CNTNAP2: variants seen among roughly 807,000 people sequenced by gnomAD.
The protein encoded by CNTNAP2 is contactin-associated protein-like 2.
In CNTNAP2, 98 loss-of-function variants were observed where a neutral mutation model predicts 155.2. The observed-to-expected ratio is 0.63, with a 90% CI of 0.54 to 0.75. The LOEUF (loss-of-function observed/expected upper bound fraction) is 0.75. CNTNAP2 is among the 30% of genes least tolerant of loss of function. The probability of loss-of-function intolerance (pLI) is 0.00; values close to 1 mark genes in which losing one functional copy is unlikely to be tolerated. For missense variants in CNTNAP2, 1,727 were observed against 1,688.1 expected (o/e 1.02, Z -0.40); for synonymous variants, 651 against 631.2 (o/e 1.03, Z -0.47).
chr7:146,562,396 GC>G (rs1256405656), intron 1 of CNTNAP2, among the ~76,000 whole-genome samples: 1 of 152,004 alleles, frequency 6.6e-6, no homozygotes, highest in Non-Finnish European at 1.5e-5. Context: ...AAAAAGGTTA[GC>G]CTTTCAATTT....
At chr7:147,310,985 G>T (rs1795114500) in intron 9 of CNTNAP2, among the ~76,000 whole-genome samples, 1 of 152,272 alleles carries the variant, frequency 6.6e-6, no homozygotes, top group East Asian at 1.9e-4. Flanking sequence ...CAGAATTCTT[G>T]CCAAAAACAG....
intron 3 of CNTNAP2, among the ~76,000 whole-genome samples, chr7:146,961,747 T>C (rs1455012445): frequency 1.3e-5 from 2 of 152,066 alleles, no homozygotes; most frequent in African/African-American, 4.8e-5. Context: ...AATAGGGAAA[T>C]GTATGACACA....
intron 1 of CNTNAP2, among the ~76,000 whole-genome samples, chr7:146,300,097 A>G (rs1314826926): frequency 6.6e-6 from 1 of 152,214 alleles, no homozygotes; most frequent in Non-Finnish European, 1.5e-5. Context: ...GCAGTTATCA[A>G]GAAATGAGGT....
At chr7:146,450,431 A>G (rs12673296) in intron 1 of CNTNAP2, among the ~76,000 whole-genome samples, 44,939 of 152,098 alleles carry the variant, frequency 0.3, 6,804 homozygotes, top group Admixed American at 0.42. Flanking sequence ...CATTTTCTGC[A>G]TTAAGCTGGT....
intron 2 of CNTNAP2, among the ~76,000 whole-genome samples, chr7:146,815,928 G>A (rs1803160936): frequency 6.6e-6 from 1 of 151,848 alleles, no homozygotes; most frequent in South Asian, 2.1e-4. Context: ...CCCCACAACG[G>A]GCCCTGATGT....
intron 1 of CNTNAP2, among the ~76,000 whole-genome samples, chr7:146,730,512 C>A (rs1433661645): frequency 6.6e-6 from 1 of 152,086 alleles, no homozygotes; most frequent in Non-Finnish European, 1.5e-5. Context: ...ATACAGTATG[C>A]CCTAAAGTGT....
At chr7:146,337,257 GTCCTCTTAGTGTC>G (rs1441713693) in intron 1 of CNTNAP2, among the ~76,000 whole-genome samples, 3 of 151,156 alleles carry the variant, frequency 2.0e-5, no homozygotes, top group African/African-American at 7.3e-5. Flanking sequence ...ACAAATTTGG[GTCCTCTTAGTGTC>G]TCCATGATTT....
At chr7:147,862,348 A>T (rs1371139916) in intron 13 of CNTNAP2, among the ~76,000 whole-genome samples, 1 of 152,162 alleles carries the variant, frequency 6.6e-6, no homozygotes, top group South Asian at 2.1e-4. Flanking sequence ...CAAGCATTCT[A>T]TTTGGCTTGT....
intron 21 of CNTNAP2, among the ~76,000 whole-genome samples, chr7:148,350,178 C>T (rs956566652): frequency 6.6e-6 from 1 of 152,176 alleles, no homozygotes; most frequent in Non-Finnish European, 1.5e-5. Flanking sequence ...TTGGGAGGCA[C>T]AGCTAAGACT....
At chr7:147,969,712 T>A (rs10452891) in intron 14 of CNTNAP2, among the ~76,000 whole-genome samples, 19,644 of 152,080 alleles carry the variant, frequency 0.13, 2,007 homozygotes, top group African/African-American at 0.29. Context: ...AAATTCGCCA[T>A]ACTTTTAAAA....
intron 1 of CNTNAP2, among the ~76,000 whole-genome samples, chr7:146,600,243 G>A (rs1355635969): frequency 6.6e-6 from 1 of 151,898 alleles, no homozygotes; most frequent in African/African-American, 2.4e-5. Context: ...GCAAAATTAC[G>A]GGCATTTTCT....
intron 6 of CNTNAP2, among the ~76,000 whole-genome samples, chr7:147,126,111 G>C (rs912775358): frequency 6.6e-6 from 1 of 152,108 alleles, no homozygotes; most frequent in African/African-American, 2.4e-5. Flanking sequence ...AATATCATGA[G>C]ACCAAAACTG....
At chr7:146,329,778 T>G (rs569090643) in intron 1 of CNTNAP2, among the ~76,000 whole-genome samples, 60 of 152,210 alleles carry the variant, frequency 3.9e-4, no homozygotes, top group Non-Finnish European at 6.6e-4. Flanking sequence ...CAACCTAAGG[T>G]TCTTCTAACT....
chr7:146,958,301 C>T (rs529144864), intron 3 of CNTNAP2, among the ~76,000 whole-genome samples: 2 of 151,644 alleles, frequency 1.3e-5, no homozygotes, highest in East Asian at 2.0e-4. Flanking sequence ...TGAGAACATA[C>T]TTTTGTTCTC....
rs146630340 is a variant in CNTNAP2, at chr7:147,886,349, C to T, written c.2099-17216C>T. 4.7e-3 allele frequency among the ~76,000 whole-genome samples: 710 copies of T among 151,828 alleles called. 2 individuals carry two copies. The highest frequency in any genetic ancestry group is 0.013 in the South Asian group (63 of 4,784). On this transcript the variant is annotated intron_variant, in intron 13 of 23. Transcript: ENST00000361727. ...AATTATCCAGGTGTGGTGGCAGGCA[C>T]CTGTAATCCCAGCTACTTGGGAGGC...
intron 1 of CNTNAP2, among the ~76,000 whole-genome samples, chr7:146,525,066 G>A (rs1294140879): frequency 6.6e-6 from 1 of 151,820 alleles, no homozygotes; most frequent in African/African-American, 2.4e-5. Context: ...AAAAAGTATA[G>A]AAGGTCAGTG....
intron 21 of CNTNAP2, 54 bp downstream of exon 21, chr7:148,267,180 T>C (rs1796688462): frequency 2.0e-6 from 3 of 1,469,894 alleles, no homozygotes; most frequent in Non-Finnish European, 1.9e-6. Flanking sequence ...ATTTGGGTAA[T>C]GTGAGTTTGG....
At chr7:147,040,737 A>G (rs1799244985) in intron 3 of CNTNAP2, among the ~76,000 whole-genome samples, 1 of 152,048 alleles carries the variant, frequency 6.6e-6, no homozygotes, top group South Asian at 2.1e-4. Flanking sequence ...CTGTGATTAC[A>G]GGTGTGAGCC....
At chr7:148,360,705 G>GA (rs1436507246) in intron 21 of CNTNAP2, among the ~76,000 whole-genome samples, 4 of 151,952 alleles carry the variant, frequency 2.6e-5, no homozygotes, top group South Asian at 2.1e-4. Context: ...GTACTTGTGG[G>GA]AAAAAATTAT....
Sources: allele counts gnomAD v4.1 joint callset (sites outside exome capture counted in the v4.1 genomes callset), GRCh38; gene constraint gnomAD v4.1.1; transcripts MANE v1.5; gene names NCBI Gene and HGNC (gene_info 2026-07-23, HGNC 2026-07-21).